SLC2A9: variants seen among roughly 807,000 people sequenced by gnomAD.
SLC2A9 encodes the protein solute carrier family 2, facilitated glucose transporter member 9.
Under a neutral mutation model 50.6 loss-of-function variants are expected in SLC2A9, and 39 were observed. That is an observed-to-expected ratio of 0.77 (90% CI 0.60 to 1.01). The LOEUF (loss-of-function observed/expected upper bound fraction) is 1.01, where lower values mean the gene tolerates loss of function less well. Among genes scored for constraint, SLC2A9 ranks in the 50% least tolerant of loss-of-function variants. The pLI, the probability that SLC2A9 is intolerant of heterozygous loss-of-function variation, is 0.00. For synonymous variants in SLC2A9, 324 were observed against 276.9 expected (o/e 1.17, Z -1.69); for missense variants, 686 against 677.6 (o/e 1.01, Z -0.14).
chr4:9,834,690 G>A (rs1726731598), intron 11 of SLC2A9, among the ~76,000 whole-genome samples, 191 bp downstream of exon 11: 1 of 152,198 alleles, frequency 6.6e-6, no homozygotes, highest in African/African-American at 2.4e-5. Flanking sequence ...ATTTAGGGAA[G>A]CTCTAGGAAG....
chr4:9,878,545 G>T (rs6840999), intron 10 of SLC2A9, among the ~76,000 whole-genome samples: 1 of 151,828 alleles, frequency 6.6e-6, no homozygotes, highest in Non-Finnish European at 1.5e-5. Context: ...GGGCATGAAA[G>T]CTCCATGCCC....
intron 3 of SLC2A9, among the ~76,000 whole-genome samples, chr4:9,992,709 T>A (rs1486429240): frequency 6.6e-6 from 1 of 152,222 alleles, no homozygotes; most frequent in African/African-American, 2.4e-5. Flanking sequence ...TTGGATTTTT[T>A]AAAAGCTATC....
At chr4:10,034,518 T>A (rs2109595541) in intron 1 of SLC2A9, 1 of 152,456 alleles carries the variant, frequency 6.6e-6, no homozygotes, top group African/African-American at 2.4e-5. Flanking sequence ...TTACAGCTCT[T>A]GTCTTCATAC....
intron 5 of SLC2A9, among the ~76,000 whole-genome samples, chr4:9,974,324 G>C (rs1041400387): frequency 6.6e-6 from 1 of 152,074 alleles, no homozygotes; most frequent in African/African-American, 2.4e-5. Flanking sequence ...TATTCAAATA[G>C]GAAAAGAAGT....
intron 10 of SLC2A9, among the ~76,000 whole-genome samples, chr4:9,886,464 G>C (rs935903681): frequency 3.2e-5 from 4 of 124,470 alleles, no homozygotes; most frequent in Admixed American, 2.6e-4. Flanking sequence ...GTGTGTGTGT[G>C]TGTGTGTGTG....
chr4:9,793,852 A>C (rs1460418221), intron 3 of SLC2A9, among the ~76,000 whole-genome samples: 5 of 152,228 alleles, frequency 3.3e-5, no homozygotes, highest in Non-Finnish European at 7.3e-5. Context: ...GAGGCTGCTA[A>C]AACAAAATCA....
At chr4:9,879,659 C>G (rs1226406775) in intron 10 of SLC2A9, 1 of 985,244 alleles carries the variant, frequency 1.0e-6, no homozygotes, top group Non-Finnish European at 1.2e-6. Flanking sequence ...TGGCAGTGGC[C>G]TTACCGCTCC....
chr4:9,782,069 C>T (rs1161402888), intron 3 of SLC2A9: 1 of 1,497,964 alleles, frequency 6.7e-7, no homozygotes, highest in South Asian at 1.4e-5. Context: ...GTACCCGGGG[C>T]AGTTCGCTCT....
Position 9,781,662 on chromosome 4 carries a change from G to A in SLC2A9, n.386-1597C>T, listed in dbSNP as rs1223940382. 5.6e-5 allele frequency: 11 copies of A among 194,880 alleles called. No homozygotes were observed. The East Asian group carries it at 1.0e-3, about 18-fold the overall frequency. The allele number at this position is 194,880 out of a possible 1,614,324, so 12.1% of individuals were successfully genotyped here. Reference sequence around the variant, plus strand: ...GCCAGCCTGGCGCCCGCGACTGCCTGCCCCAGCCCCTCAGTGGCGGCTTGC... The same window carrying A: ...GCCAGCCTGGCGCCCGCGACTGCCTACCCCAGCCCCTCAGTGGCGGCTTGC... On this transcript the variant is annotated intron_variant and non_coding_transcript_variant, in intron 3 of 3. Transcript: ENST00000503803.
At chr4:9,825,844 C>A (rs934439370), downstream of SLC2A9, among the ~76,000 whole-genome samples, 1 of 152,158 alleles carries the variant, frequency 6.6e-6, no homozygotes, top group Admixed American at 6.5e-5. Context: ...TGGAAACAGG[C>A]ATTTCTTAGG....
chr4:9,825,057 C>T (rs116209794), downstream of SLC2A9, among the ~76,000 whole-genome samples: 3 of 152,274 alleles, frequency 2.0e-5, no homozygotes, highest in African/African-American at 4.8e-5. Context: ...GGGATTATGG[C>T]CAAAAGGATT....
chr4:9,934,841 T>C (rs1051708470), intron 6 of SLC2A9, among the ~76,000 whole-genome samples: 3 of 152,134 alleles, frequency 2.0e-5, no homozygotes, highest in African/African-American at 4.8e-5. Context: ...TGGTGTGTGT[T>C]GTTCCCCTCC....
At chr4:9,831,864 C>T (rs1726202603) in intron 11 of SLC2A9, among the ~76,000 whole-genome samples, 2 of 152,192 alleles carry the variant, frequency 1.3e-5, no homozygotes, top group African/African-American at 2.4e-5. Context: ...GTTCTTCCAG[C>T]TGTCTGCTCA....
Position 9,802,627 on chromosome 4 carries a change from T to C in SLC2A9, n.421-3386A>G, listed in dbSNP as rs562853869. 3.1e-3 allele frequency among the ~76,000 whole-genome samples: 462 copies of C among 150,382 alleles called. 3 individuals carry two copies. The highest frequency in any genetic ancestry group is 0.011 in the African/African-American group (444 of 40,736). ...CCCAGGCTGGAGTGCAATGGTGTGA[T>C]CTCGGCTCACTGCAAACCTTTACCT... On this transcript the variant is annotated intron_variant and non_coding_transcript_variant, in intron 3 of 3. Coordinates refer to the SLC2A9 transcript ENST00000503280.
At chr4:9,930,537 G>A (rs1745715792) in intron 6 of SLC2A9, among the ~76,000 whole-genome samples, 1 of 152,180 alleles carries the variant, frequency 6.6e-6, no homozygotes, top group Admixed American at 6.5e-5. Flanking sequence ...CTTGCACTAG[G>A]GGAAGGCTCA....
chr4:9,828,204 C>T (rs1725458484), intron 11 of SLC2A9, among the ~76,000 whole-genome samples: 2 of 152,170 alleles, frequency 1.3e-5, no homozygotes, highest in Non-Finnish European at 2.9e-5. Flanking sequence ...TCTGCTCCAT[C>T]AGGAAATCAT....
At chr4:10,035,000 A>T (rs1764052263) in intron 1 of SLC2A9, 1 of 152,218 alleles carries the variant, frequency 6.6e-6, no homozygotes, top group Non-Finnish European at 1.5e-5. Context: ...TCAGATGGGG[A>T]GTCCACCATC....
At chr4:9,819,042 C>CTGGGAGG (rs1724029044) in intron 3 of SLC2A9, among the ~76,000 whole-genome samples, 1 of 145,680 alleles carries the variant, frequency 6.9e-6, no homozygotes, top group Non-Finnish European at 1.5e-5. Context: ...TGGCGTGAAC[C>CTGGGAGG]TGGGAGGTGG....
chr4:9,904,874 A>G (rs1056698553), intron 8 of SLC2A9, among the ~76,000 whole-genome samples: 6 of 152,164 alleles, frequency 3.9e-5, no homozygotes, highest in Admixed American at 3.3e-4. Flanking sequence ...ACTGTTTCCA[A>G]TGGACTATTC....
Sources: gnomAD v4.1 joint callset for allele counts (sites outside exome capture counted in the v4.1 genomes callset) on GRCh38, gnomAD v4.1.1 for gene constraint, MANE v1.5 for transcripts, NCBI Gene and HGNC (gene_info 2026-07-23, HGNC 2026-07-21) for gene names.